Variants in AGAP1 observed in about 807,000 individuals in gnomAD.
The protein encoded by AGAP1 is arf-GAP with GTPase, ANK repeat and PH domain-containing protein 1.
In AGAP1, 29 loss-of-function variants were observed where a neutral mutation model predicts 105.3. The ratio of observed to expected loss-of-function variants is 0.28; its 90% CI spans 0.21 to 0.38. The LOEUF is 0.38. Among genes scored for constraint, AGAP1 ranks in the 10% least tolerant of loss-of-function variants. AGAP1 has a pLI of 1.00. For synonymous variants in AGAP1, 509 were observed against 485.9 expected, an observed-to-expected ratio of 1.05 and a Z score of -0.63; for missense variants, 998 against 1,165.1, an observed-to-expected ratio of 0.86 and a Z score of 2.09.
chr2:235,973,192 C>T lies in AGAP1; in HGVS notation c.1645+4569C>T, dbSNP rs1411256023. Among the ~76,000 whole-genome samples the T allele has an allele frequency of 2.0e-5, 3 of 152,136 alleles. No homozygotes were observed. The highest frequency in any genetic ancestry group is 4.1e-4 in the South Asian group (2 of 4,832). ...TGGAGTTTCTCCCTGCGCAGGTGCTCGCTGTGCTCTTTTTGCTGAAGAACA... is the reference window on the plus strand; with the variant it reads ...TGGAGTTTCTCCCTGCGCAGGTGCTTGCTGTGCTCTTTTTGCTGAAGAACA... On this transcript the variant is annotated intron_variant, in intron 13 of 17. Coordinates refer to ENST00000304032, the MANE Select transcript of AGAP1 (RefSeq NM_001037131.3). The surrounding 1 kb of genome is among the most constrained non-coding windows in gnomAD (Gnocchi z 4.7).
chr2:236,100,138 T>G (rs1300225611), intron 16 of AGAP1, among the ~76,000 whole-genome samples: 1 of 152,172 alleles, frequency 6.6e-6, no homozygotes, highest in Admixed American at 6.6e-5. Context: ...TCCACACCCA[T>G]GCAGCCAGCG....
Position 235,930,923 on chromosome 2 carries a change from G to A in AGAP1, c.1483G>A (p.Asp495Asn). 1 of 1,613,318 alleles carries A rather than the reference G, an allele frequency of 6.2e-7. No individual in the cohort carries two copies. ...CATTGCAAACTCGGCCATCAGCAGT[G>A]GTAAGAGGGGGCTCAGCCCCACGGA... ...TVIANSAISSDTGLGDSVCSS... is the reference protein window; with the variant it reads ...TVIANSAISSNTGLGDSVCSS... Residue 495 changes from aspartate to asparagine, a missense_variant and splice_region_variant, in exon 12 of 18, where the codon GAC becomes AAC. Asp to Asn is a conservative substitution (Grantham distance 23, BLOSUM62 1). Transcript: ENST00000304032. The surrounding 1 kb of genome is among the most constrained non-coding windows in gnomAD (Gnocchi z 7.9).
intron 1 of AGAP1, 140 bp from the exon 2 acceptor site, chr2:235,709,039 T>C (rs1950691533): frequency 2.4e-6 from 2 of 822,332 alleles, no homozygotes; most frequent in Non-Finnish European, 4.1e-6. Flanking sequence ...AACTGATCTT[T>C]CTGGGGTGAG....
At position 236,114,430 on chromosome 2, in the gene AGAP1, A is replaced by G. The variant is rs1054554812; in HGVS notation, c.2115-5762A>G. On this transcript the variant is annotated intron_variant, in intron 16 of 17. Transcript: ENST00000304032. The surrounding 1 kb of genome is among the most constrained non-coding windows in gnomAD (Gnocchi z 5.0). ...GCGTATGGAGACGCTAGTGAGAAAG[A>G]TGAAGGATGCTATCCAGAGTATGTG... 2.0e-5 allele frequency among the ~76,000 whole-genome samples: 3 copies of G among 152,258 alleles called. No individual in the cohort carries two copies. Among genetic ancestry groups the G allele is most frequent in the Admixed American group, 6.5e-5 (1 of 15,288 alleles).
rs574808403 is a variant in AGAP1, at chr2:235,957,768, C to T, written c.1484-10694C>T. Among the ~76,000 whole-genome samples the T allele has an allele frequency of 1.1e-4, 16 of 152,274 alleles. No homozygotes were observed. Among genetic ancestry groups the T allele is most frequent in the African/African-American group, 3.1e-4 (13 of 41,560 alleles). The stretch of plus-strand genomic sequence containing the variant: ...TTAAAGATCCAAATTAGCTTTATAT[C>T]GTTGGCCGTGTATCAAAGGAAGTGC... On this transcript the variant is annotated intron_variant, in intron 12 of 17. Coordinates refer to ENST00000304032, the MANE Select transcript of AGAP1 (RefSeq NM_001037131.3). The surrounding 1 kb of genome is among the most constrained non-coding windows in gnomAD (Gnocchi z 4.6).
rs1941207720 is a variant in AGAP1 at position 235,494,264 on chromosome 2, T to C, written c.-423T>C. The C allele has an allele frequency of 7.0e-6, 1 of 143,146 alleles. No homozygotes were observed. 8.9% of individuals were successfully genotyped at this position (143,146 alleles called of 1,614,324 possible). A position where few individuals can be genotyped will look rare whatever the true frequency, so the allele number is the denominator to read the frequency against. ...GCAGCGCGGCCACACTGCCCAGGGG[T>C]CGGCCCTCGGCCCCGGCGCTCGGAG... On this transcript the variant is annotated 5_prime_UTR_variant, in exon 1 of 18. Transcript: ENST00000304032.
At chr2:235,833,768 G>C (rs917276563) in intron 9 of AGAP1, among the ~76,000 whole-genome samples, 9 of 151,694 alleles carry the variant, frequency 5.9e-5, no homozygotes, top group African/African-American at 2.2e-4. Context: ...ACTTACATGT[G>C]TGCATGTTTA....
intron 6 of AGAP1, among the ~76,000 whole-genome samples, chr2:235,766,333 C>A (rs1954948426): frequency 6.6e-6 from 1 of 152,176 alleles, no homozygotes; most frequent in African/African-American, 2.4e-5. Context: ...GCTAGAAGGA[C>A]CGTATGGCCC....
chr2:236,071,726 TGAA>T (rs1188380604), intron 16 of AGAP1, among the ~76,000 whole-genome samples: 1 of 152,126 alleles, frequency 6.6e-6, no homozygotes, highest in African/African-American at 2.4e-5. Flanking sequence ...ATAACAGAAA[TGAA>T]GAAGGAAAAA....
chr2:235,522,384 T>G (rs1165848604), intron 1 of AGAP1, among the ~76,000 whole-genome samples: 1 of 152,154 alleles, frequency 6.6e-6, no homozygotes, highest in African/African-American at 2.4e-5. Context: ...CTCTCCTCCG[T>G]AAGACGCTCA....
chr2:235,852,619 A>G (rs2048520327), intron 9 of AGAP1: 23 of 1,318,030 alleles, frequency 1.7e-5, no homozygotes, highest in Non-Finnish European at 2.2e-5. Context: ...TTTATAATTA[A>G]TTAGCCATAA....
chr2:235,735,554 C>T (rs1010966324), intron 3 of AGAP1, among the ~76,000 whole-genome samples: 2 of 152,110 alleles, frequency 1.3e-5, no homozygotes, highest in Non-Finnish European at 2.9e-5. Context: ...TCGTGAAAGG[C>T]TATGAGGACT....
chr2:235,626,453 T>C lies in AGAP1; in HGVS notation c.164-82726T>C, dbSNP rs138650042. Among the ~76,000 whole-genome samples the C allele has an allele frequency of 4.1e-4, 62 of 152,324 alleles. 1 individual carries two copies. The East Asian group carries it at 0.011, about 27-fold the overall frequency. On this transcript the variant is annotated intron_variant, in intron 1 of 17. Coordinates refer to ENST00000304032, the MANE Select transcript of AGAP1 (RefSeq NM_001037131.3). ...CCATGTAAGGTCTGGGTGCAGTGCATGGCACATGGGAAGTGTGTGTGACAG... is the reference window on the plus strand; with the variant it reads ...CCATGTAAGGTCTGGGTGCAGTGCACGGCACATGGGAAGTGTGTGTGACAG...
At position 236,002,638 on chromosome 2, in the gene AGAP1, T is replaced by G. The variant is rs1465002363; in HGVS notation, c.1646-33923T>G. On this transcript the variant is annotated intron_variant, in intron 13 of 17. Transcript: ENST00000304032. This position sits in a 1 kb window ranked among gnomAD's most constrained non-coding sequence, Gnocchi z 4.3. ...TTTGAGAGTGGAACTCTGCATCTTCTTGTCCCTCCTGGATGAATACAGGAC... is the reference window on the plus strand; with the variant it reads ...TTTGAGAGTGGAACTCTGCATCTTCGTGTCCCTCCTGGATGAATACAGGAC... 6.6e-6 allele frequency among the ~76,000 whole-genome samples: 1 copy of G among 152,130 alleles called. No homozygotes were observed. The highest frequency in any genetic ancestry group is 1.5e-5 in the Non-Finnish European group (1 of 68,022).
At chr2:236,019,077 T>G (rs1178445480) in intron 13 of AGAP1, among the ~76,000 whole-genome samples, 1 of 152,244 alleles carries the variant, frequency 6.6e-6, no homozygotes, top group African/African-American at 2.4e-5. Context: ...TTGTTGGCCA[T>G]TCCCTCCAAC....
intron 1 of AGAP1, among the ~76,000 whole-genome samples, chr2:235,595,284 G>C (rs1945488516): frequency 6.6e-6 from 1 of 152,194 alleles, no homozygotes; most frequent in African/African-American, 2.4e-5. Flanking sequence ...ATTGGGAGCT[G>C]ACTCTTAGAA....
intron 9 of AGAP1, among the ~76,000 whole-genome samples, chr2:235,881,149 T>A (rs2050002357): frequency 6.6e-6 from 1 of 152,260 alleles, no homozygotes; most frequent in Non-Finnish European, 1.5e-5. Flanking sequence ...CCAAGCTGGC[T>A]CATACTTTAT....
chr2:235,592,753 G>T (rs901123371), intron 1 of AGAP1, among the ~76,000 whole-genome samples: 9 of 152,168 alleles, frequency 5.9e-5, no homozygotes, highest in Non-Finnish European at 7.3e-5. Context: ...ATCTGGCCGA[G>T]GTTGCTTGGG....
intron 1 of AGAP1, chr2:235,507,573 G>C (rs549890414): frequency 6.6e-6 from 1 of 152,156 alleles, no homozygotes; most frequent in African/African-American, 2.4e-5. Context: ...AGCACCTGCC[G>C]CTTGAGTGTT....
Sources: gnomAD v4.1 joint callset for allele counts (sites outside exome capture counted in the v4.1 genomes callset) on GRCh38, gnomAD v4.1.1 for gene constraint, Gnocchi (gnomAD v3.1) non-coding constraint, MANE v1.5 for transcripts, NCBI Gene and HGNC (gene_info 2026-07-23, HGNC 2026-07-21) for gene names.